CDH13: variants seen among roughly 807,000 people sequenced by gnomAD.
CDH13 encodes cadherin 13.
In CDH13, 24 loss-of-function variants were observed where a neutral mutation model predicts 63.8. The ratio of observed to expected loss-of-function variants is 0.38; its 90% CI spans 0.27 to 0.53. CDH13 has a LOEUF of 0.53. Among genes scored for constraint, CDH13 ranks in the 20% least tolerant of loss-of-function variants. The pLI is 0.85. For missense variants in CDH13, 1,049 were observed against 903.1 expected, an observed-to-expected ratio of 1.16 and a Z score of -2.07; for synonymous variants, 503 against 355.3, an observed-to-expected ratio of 1.42 and a Z score of -4.67.
intron 8 of CDH13, among the ~76,000 whole-genome samples, chr16:83,607,525 G>A (rs918489182): frequency 3.3e-5 from 5 of 152,172 alleles, no homozygotes; most frequent in Non-Finnish European, 5.9e-5. Context: ...CCTATCCTCT[G>A]TTGTATCCCG....
At chr16:82,733,743 T>C (rs1567478270) in intron 1 of CDH13, among the ~76,000 whole-genome samples, 1 of 152,190 alleles carries the variant, frequency 6.6e-6, no homozygotes, top group Non-Finnish European at 1.5e-5. Flanking sequence ...TACCAGGATA[T>C]AAATGGCAAA....
intron 3 of CDH13, among the ~76,000 whole-genome samples, chr16:83,074,815 C>T (rs553258853): frequency 1.3e-5 from 2 of 152,306 alleles, no homozygotes; most frequent in Non-Finnish European, 2.9e-5. Flanking sequence ...GATAAATAGT[C>T]CATATTTTAC....
At chr16:83,758,243 G>A (rs1269945005) in intron 11 of CDH13, among the ~76,000 whole-genome samples, 1 of 152,014 alleles carries the variant, frequency 6.6e-6, no homozygotes, top group Non-Finnish European at 1.5e-5. Flanking sequence ...TATGAGACAA[G>A]GTTTTTCCAA....
At chr16:83,319,327 G>T (rs10514582) in intron 5 of CDH13, among the ~76,000 whole-genome samples, 1 of 151,950 alleles carries the variant, frequency 6.6e-6, no homozygotes, top group Non-Finnish European at 1.5e-5. Context: ...TTTATTCCTC[G>T]GTGTTTCTCT....
intron 7 of CDH13, among the ~76,000 whole-genome samples, chr16:83,520,320 A>G (rs796230304): frequency 5.9e-5 from 9 of 152,302 alleles, no homozygotes; most frequent in African/African-American, 2.2e-4. Context: ...GAAAAAACAA[A>G]AAGGATTTAT....
chr16:82,721,434 G>A (rs2032763393), intron 1 of CDH13, among the ~76,000 whole-genome samples: 1 of 152,154 alleles, frequency 6.6e-6, no homozygotes, highest in Admixed American at 6.5e-5. Context: ...GGCAGTTAAA[G>A]AGGGAGTAGG....
At chr16:83,592,806 T>C (rs1906888956) in intron 7 of CDH13, among the ~76,000 whole-genome samples, 1 of 151,984 alleles carries the variant, frequency 6.6e-6, no homozygotes, top group East Asian at 1.9e-4. Flanking sequence ...AAACAGCAGG[T>C]GACAGCCAAG....
In CDH13 at chr16:83,027,311, G is replaced by C. The variant is rs190976539; in HGVS notation, c.158-4699G>C. Reference sequence around the variant, plus strand: ...GGTGCAAAAAACAAATACATAATATGGACAGATTGATATAATATAAAAGGT... The same window carrying C: ...GGTGCAAAAAACAAATACATAATATCGACAGATTGATATAATATAAAAGGT... On this transcript the variant is annotated intron_variant, in intron 2 of 13. Coordinates refer to ENST00000567109, the MANE Select transcript of CDH13 (RefSeq NM_001257.5). Among the ~76,000 whole-genome samples, 9 of 152,198 alleles carry C rather than the reference G, an allele frequency of 5.9e-5. No homozygotes were observed. In the South Asian group the frequency reaches 1.9e-3, roughly 32 times the overall value.
rs375197428 is a variant in CDH13, at chr16:83,416,477, T to C, written c.782-70000T>C. ...TCTGTTTCTCTTTCTGGGTCTTATC[T>C]CTTCTTGTGCCTCTCATGTTTAAGT... On this transcript the variant is annotated intron_variant, in intron 6 of 13. Transcript: ENST00000567109. 3.9e-5 allele frequency among the ~76,000 whole-genome samples: 6 copies of C among 152,340 alleles called. No individual in the cohort carries two copies. In the East Asian group the frequency reaches 1.2e-3, roughly 29 times the overall value.
chr16:83,303,404 G>T (rs1295391986), intron 5 of CDH13, among the ~76,000 whole-genome samples: 1 of 152,164 alleles, frequency 6.6e-6, no homozygotes, highest in African/African-American at 2.4e-5. Context: ...AATTTGAAGG[G>T]GAGTAAATAA....
intron 6 of CDH13, among the ~76,000 whole-genome samples, chr16:83,438,102 C>A (rs1190284964): frequency 1.3e-5 from 2 of 152,200 alleles, no homozygotes; most frequent in Non-Finnish European, 2.9e-5. Context: ...CTGCTCAAAA[C>A]CCCTTTCATG....
intron 2 of CDH13, among the ~76,000 whole-genome samples, chr16:82,924,481 C>T (rs981095772): frequency 7.2e-5 from 11 of 152,170 alleles, no homozygotes; most frequent in African/African-American, 2.7e-4. Flanking sequence ...CGGGCTTTTT[C>T]TCAGCTGCGG....
At chr16:82,691,187 A>C (rs1567631740) in intron 1 of CDH13, among the ~76,000 whole-genome samples, 1 of 152,210 alleles carries the variant, frequency 6.6e-6, no homozygotes, top group Non-Finnish European at 1.5e-5. Context: ...GGTGTTACCT[A>C]CAAGTGAGGA....
chr16:83,467,154 A>G (rs919733586), intron 6 of CDH13, among the ~76,000 whole-genome samples: 20 of 152,212 alleles, frequency 1.3e-4, no homozygotes, highest in African/African-American at 4.8e-4. Flanking sequence ...ACTCTTACCA[A>G]GCCCCGGCTC....
intron 4 of CDH13, among the ~76,000 whole-genome samples, chr16:83,180,125 C>T (rs1192728117): frequency 2.7e-5 from 4 of 150,476 alleles, no homozygotes; most frequent in Admixed American, 1.3e-4. Flanking sequence ...GTTTAATTGT[C>T]GTTTAAAAGT....
chr16:82,687,437 G>T (rs1311725338), intron 1 of CDH13, among the ~76,000 whole-genome samples: 1 of 152,100 alleles, frequency 6.6e-6, no homozygotes, highest in African/African-American at 2.4e-5. Flanking sequence ...AAAGGCAAGT[G>T]GTTTAATGGA....
chr16:83,425,531 C>T (rs1003854704), intron 6 of CDH13, among the ~76,000 whole-genome samples: 1 of 152,232 alleles, frequency 6.6e-6, no homozygotes, highest in Non-Finnish European at 1.5e-5. Flanking sequence ...ACCATAACTC[C>T]CCTTTTAGCT....
chr16:83,672,418 T>C (rs1914585896), intron 9 of CDH13, among the ~76,000 whole-genome samples: 1 of 103,662 alleles, frequency 9.6e-6, no homozygotes, highest in African/African-American at 3.7e-5. Context: ...TCTTTTTTTT[T>C]TTTTTTTTTT....
At chr16:83,474,318 G>C (rs1183047055) in intron 6 of CDH13, among the ~76,000 whole-genome samples, 2 of 152,166 alleles carry the variant, frequency 1.3e-5, no homozygotes, top group Non-Finnish European at 2.9e-5. Context: ...TTGAGCCTCT[G>C]TAAGGTTGTG....
Sources: allele counts gnomAD v4.1 joint callset (sites outside exome capture counted in the v4.1 genomes callset), GRCh38; gene constraint gnomAD v4.1.1; transcripts MANE v1.5; gene names NCBI Gene and HGNC (gene_info 2026-07-23, HGNC 2026-07-21).